Variants in SLC26A5 observed in about 807,000 individuals in gnomAD.
The protein encoded by SLC26A5 is prestin.
Under a neutral mutation model 81.0 loss-of-function variants are expected in SLC26A5, and 51 were observed. That is an observed-to-expected ratio of 0.63 (90% confidence interval 0.50 to 0.80). The LOEUF is 0.80. Among genes scored for constraint, SLC26A5 ranks in the 30% least tolerant of loss-of-function variants. SLC26A5 has a pLI of 0.00. For synonymous variants in SLC26A5, 325 were observed against 332.8 expected (o/e 0.98, Z 0.25); for missense variants, 771 against 905.8 (o/e 0.85, Z 1.91).
At position 103,426,695 on chromosome 7, in the gene SLC26A5, G is replaced by A. The variant is rs147711237; in HGVS notation, c.-53-5128C>T. 1.0e-3 allele frequency among the ~76,000 whole-genome samples: 153 copies of A among 152,166 alleles called. 1 individual carries two copies. Among genetic ancestry groups the A allele is most frequent in the African/African-American group, 3.3e-3 (137 of 41,514 alleles). ...TGTTGTAATGAAAGGCTGTCCTTTC[G>A]GGGGACTTTTTATTTGCATCAACAA... On this transcript the variant is annotated intron_variant, in intron 2 of 19. Coordinates refer to ENST00000306312, the MANE Select transcript of SLC26A5 (RefSeq NM_198999.3).
intron 2 of SLC26A5, among the ~76,000 whole-genome samples, chr7:103,440,200 GA>G (rs1216455275): frequency 6.6e-6 from 1 of 152,184 alleles, no homozygotes; most frequent in Admixed American, 6.5e-5. Flanking sequence ...GTGACTCTAG[GA>G]AGAAAGGAAG....
chr7:103,371,986 C>T (rs776938379), downstream of SLC26A5, among the ~76,000 whole-genome samples: 5 of 152,182 alleles, frequency 3.3e-5, no homozygotes, highest in Non-Finnish European at 1.5e-5. Flanking sequence ...TGAGCCACCG[C>T]ACCTGGCCGA....
chr7:103,389,487 C>A, intron 12 of SLC26A5, 63 bp from the exon 13 acceptor site: 1 of 1,172,826 alleles, frequency 8.5e-7, no homozygotes, highest in South Asian at 1.2e-5. Flanking sequence ...TTTGCTGGTT[C>A]CTCACTGTCC....
intron 1 of SLC26A5, among the ~76,000 whole-genome samples, chr7:103,444,925 T>C (rs948089393): frequency 6.6e-6 from 1 of 152,154 alleles, no homozygotes; most frequent in Non-Finnish European, 1.5e-5. Flanking sequence ...CTGACAAAAA[T>C]ACATTTTAAA....
chr7:103,422,709 A>C (rs1825440881), intron 2 of SLC26A5, among the ~76,000 whole-genome samples: 1 of 152,210 alleles, frequency 6.6e-6, no homozygotes, highest in African/African-American at 2.4e-5. Context: ...CTGCTTAGTA[A>C]GTAAACTGGT....
intron 2 of SLC26A5, among the ~76,000 whole-genome samples, chr7:103,438,042 A>G (rs9918711): frequency 1.3e-5 from 2 of 151,962 alleles, no homozygotes; most frequent in Admixed American, 6.6e-5. Context: ...GATGGAAATC[A>G]TAACTGTGAC....
chr7:103,415,602 G>C (rs1318711953), intron 4 of SLC26A5, among the ~76,000 whole-genome samples: 2 of 152,302 alleles, frequency 1.3e-5, no homozygotes, highest in Middle Eastern at 3.4e-3. Flanking sequence ...GCATCAGGTT[G>C]AGAAAACTCG....
In SLC26A5 at chr7:103,377,630, A is replaced by G. The variant is rs1238391584; in HGVS notation, c.1955T>C (p.Ile652Thr). 7.4e-6 allele frequency: 12 copies of G among 1,614,144 alleles called. No homozygotes were observed. Among genetic ancestry groups the G allele is most frequent in the Non-Finnish European group, 8.5e-6 (10 of 1,180,012 alleles). ...CAGAGTTTTCACTCCAACAGAATCA[A>G]TAAAATTGACTTGAGTGAAATCCAA... ...VILDFTQVNF[I>T]DSVGVKTLAG... Residue 652 changes from isoleucine to threonine, a missense_variant, in exon 18 of 20, where the codon ATT becomes ACT. By Grantham distance (89) the Ile-to-Thr change is moderately conservative. Transcript: ENST00000306312.
At chr7:103,388,718 T>C in intron 14 of SLC26A5, 1 of 380,786 alleles carries the variant, frequency 2.6e-6, no homozygotes, top group South Asian at 2.1e-5. Context: ...AGCATAGCAC[T>C]AGACCAGGAA....
chr7:103,376,358 G>T (rs1821352473), intron 19 of SLC26A5, among the ~76,000 whole-genome samples: 1 of 152,194 alleles, frequency 6.6e-6, no homozygotes, highest in African/African-American at 2.4e-5. Context: ...TTACAGGTGT[G>T]AGTCACAACA....
chr7:103,400,730 G>C (rs1439115931), intron 8 of SLC26A5, among the ~76,000 whole-genome samples: 1 of 152,124 alleles, frequency 6.6e-6, no homozygotes, highest in Non-Finnish European at 1.5e-5. Flanking sequence ...AATCCATCTT[G>C]AGTTAATTTT....
chr7:103,355,438 C>T (rs1442860158), intron 19 of SLC26A5, among the ~76,000 whole-genome samples: 1 of 151,506 alleles, frequency 6.6e-6, no homozygotes, highest in Non-Finnish European at 1.5e-5. Flanking sequence ...TGATTTTGCC[C>T]CACCCTCCCA....
chr7:103,376,385 G>C (rs1434333041), intron 19 of SLC26A5, among the ~76,000 whole-genome samples: 2 of 152,116 alleles, frequency 1.3e-5, no homozygotes, highest in African/African-American at 2.4e-5. Flanking sequence ...CTCAAGCACT[G>C]TTTTAACCAA....
chr7:103,403,123 G>C (rs1823741106), intron 8 of SLC26A5, among the ~76,000 whole-genome samples: 1 of 152,058 alleles, frequency 6.6e-6, no homozygotes, highest in African/African-American at 2.4e-5. Flanking sequence ...CCTTAATATT[G>C]TTATTTACCC....
In SLC26A5 at chr7:103,391,554, A is replaced by G. The variant is rs1002003344; in HGVS notation, c.1233+68T>C. The G allele has an allele frequency of 4.5e-6, 6 of 1,321,094 alleles. No individual in the cohort carries two copies. In the African/African-American group the frequency reaches 8.7e-5, roughly 19 times the overall value. The allele number at this position is 1,321,094 out of a possible 1,614,324, so 81.8% of individuals were successfully genotyped here. ...GAGTAGCTTTGTTTGGGTTCAGAATATAATCAAAAGATTAAAATTTAATTA... is the reference window on the plus strand; with the variant it reads ...GAGTAGCTTTGTTTGGGTTCAGAATGTAATCAAAAGATTAAAATTTAATTA... On this transcript the variant is annotated intron_variant, in intron 11 of 19. Coordinates refer to ENST00000306312, the MANE Select transcript of SLC26A5 (RefSeq NM_198999.3).
chr7:103,430,079 T>C (rs1332260527), intron 2 of SLC26A5, among the ~76,000 whole-genome samples: 1 of 64,722 alleles, frequency 1.5e-5, no homozygotes, highest in Non-Finnish European at 2.4e-5. Context: ...AATGGCACTT[T>C]TTTTTTTTTT....
intron 17 of SLC26A5, 29 bp downstream of exon 17, chr7:103,378,417 C>A: frequency 1.3e-6 from 2 of 1,591,286 alleles, no homozygotes; most frequent in Non-Finnish European, 1.7e-6. Flanking sequence ...CAAGACAGAA[C>A]GGATTATTTC....
intron 19 of SLC26A5, among the ~76,000 whole-genome samples, chr7:103,358,883 G>A (rs1384460031): frequency 6.6e-6 from 1 of 151,950 alleles, no homozygotes; most frequent in Non-Finnish European, 1.5e-5. Context: ...AGGCCTTAAA[G>A]AAAGCAAAGA....
At chr7:103,380,225 T>A (rs1045337948) in intron 15 of SLC26A5, among the ~76,000 whole-genome samples, 2 of 152,108 alleles carry the variant, frequency 1.3e-5, no homozygotes, top group African/African-American at 4.8e-5. Flanking sequence ...CAATACTGTA[T>A]AAATGTATAC....
Sources: gnomAD v4.1 joint callset for allele counts (sites outside exome capture counted in the v4.1 genomes callset) on GRCh38, gnomAD v4.1.1 for gene constraint, MANE v1.5 for transcripts, NCBI Gene and HGNC (gene_info 2026-07-23, HGNC 2026-07-21) for gene names.